WDR27: variants seen among roughly 807,000 people sequenced by gnomAD.
WDR27 encodes the protein WD repeat domain 27.
WDR27 carries 100 observed loss-of-function variants against 114.4 expected under a neutral mutation model. The ratio of observed to expected loss-of-function variants is 0.87; its 90% confidence interval spans 0.74 to 1.03. WDR27 has a LOEUF of 1.03. Ranked by LOEUF, WDR27 falls within the 50% of genes least tolerant of loss-of-function variation. The pLI is 0.00. For synonymous variants in WDR27, 449 were observed against 423.1 expected (o/e 1.06, Z -0.75); for missense variants, 1,129 against 1,092.9 (o/e 1.03, Z -0.47).
chr6:169,437,631 C>T, the WDR27 span, among the ~76,000 whole-genome samples: 3 of 152,164 alleles, frequency 2.0e-5, no homozygotes, highest in East Asian at 1.9e-4. Flanking sequence ...GTTCTTTCTT[C>T]GTTCCTTAAA....
chr6:169,571,827 G>A (rs1042573447), intron 25 of WDR27, among the ~76,000 whole-genome samples: 2 of 152,168 alleles, frequency 1.3e-5, no homozygotes, highest in African/African-American at 4.8e-5. Flanking sequence ...GACAGAGCAA[G>A]ACCCTGTCTA....
chr6:169,690,978 G>C (rs1176218415), intron 1 of WDR27, among the ~76,000 whole-genome samples: 1 of 152,224 alleles, frequency 6.6e-6, no homozygotes, highest in East Asian at 1.9e-4. Flanking sequence ...CACTTTGGGA[G>C]GCCGAGGCGG....
At chr6:169,552,012 C>T (rs185843096) in intron 25 of WDR27, among the ~76,000 whole-genome samples, 238 of 152,220 alleles carry the variant, frequency 1.6e-3, no homozygotes, top group Non-Finnish European at 2.7e-3. Context: ...CCGTGGGTTC[C>T]GTCCCACGCA....
intron 25 of WDR27, among the ~76,000 whole-genome samples, chr6:169,500,045 G>T (rs1355499134): frequency 1.1e-4 from 16 of 152,152 alleles, no homozygotes; most frequent in Non-Finnish European, 1.5e-5. Flanking sequence ...TCCCACACTG[G>T]CTCCCTGCTC....
chr6:169,546,905 T>G (rs1015301589), intron 25 of WDR27, among the ~76,000 whole-genome samples: 7 of 152,068 alleles, frequency 4.6e-5, no homozygotes, highest in African/African-American at 1.7e-4. Flanking sequence ...ATCGAGCTCT[T>G]GACTATGTTC....
intron 25 of WDR27, among the ~76,000 whole-genome samples, chr6:169,523,920 T>C (rs1794677702): frequency 6.6e-6 from 1 of 152,140 alleles, no homozygotes; most frequent in Admixed American, 6.5e-5. Context: ...TTTTTCCACA[T>C]AGTCCTGGAA....
At chr6:169,530,920 C>A (rs1795512340) in intron 25 of WDR27, among the ~76,000 whole-genome samples, 1 of 152,188 alleles carries the variant, frequency 6.6e-6, no homozygotes, top group Admixed American at 6.5e-5. Context: ...CAGCCACATC[C>A]TTCCTCATGT....
intron 23 of WDR27, among the ~76,000 whole-genome samples, chr6:169,584,446 T>A (rs1366474852): frequency 6.6e-6 from 1 of 152,242 alleles, no homozygotes; most frequent in Non-Finnish European, 1.5e-5. Context: ...CCAGAAGGAC[T>A]GCTGGGTCAT....
At chr6:169,464,797 A>G (rs1249910608) in intron 25 of WDR27, among the ~76,000 whole-genome samples, 1 of 152,264 alleles carries the variant, frequency 6.6e-6, no homozygotes. Context: ...ATTCCTCCAA[A>G]GAAGATATAC....
At chr6:169,678,205 C>A (rs2128309147) in intron 2 of WDR27, among the ~76,000 whole-genome samples, 1 of 152,338 alleles carries the variant, frequency 6.6e-6, no homozygotes, top group East Asian at 1.9e-4. Context: ...ACTCAGCAAC[C>A]AGTGAAAGCA....
intron 25 of WDR27, among the ~76,000 whole-genome samples, chr6:169,506,120 T>C (rs192411841): frequency 3.9e-5 from 6 of 152,362 alleles, no homozygotes; most frequent in Admixed American, 3.9e-4. Flanking sequence ...CAGTATTTCA[T>C]CTGAGCTAAA....
chr6:169,491,778 G>T (rs1169421137), intron 25 of WDR27, among the ~76,000 whole-genome samples: 1 of 152,158 alleles, frequency 6.6e-6, no homozygotes, highest in Admixed American at 6.6e-5. Context: ...AGGAGACACT[G>T]AGGTAGTTAC....
intron 23 of WDR27, among the ~76,000 whole-genome samples, chr6:169,591,111 G>GCTCC (rs1474567069): frequency 6.6e-6 from 1 of 152,164 alleles, no homozygotes; most frequent in African/African-American, 2.4e-5. Flanking sequence ...CTGTGCGGGA[G>GCTCC]CTCCCCTTTC....
At position 169,481,615 on chromosome 6, in the gene WDR27, C is replaced by T. The variant is rs549810836; in HGVS notation, c.2646-23981G>A. On this transcript the variant is annotated intron_variant, in intron 25 of 25. Transcript: ENST00000448612. ...GAGACCATGAACCAACTAGAAGGAA[C>T]GAACAACTCCAGACGCACTGCCTTT... 3.2e-4 allele frequency among the ~76,000 whole-genome samples: 49 copies of T among 151,960 alleles called. No individual in the cohort carries two copies. In the South Asian group the frequency reaches 4.2e-3, roughly 13 times the overall value.
At chr6:169,484,152 A>G (rs1461377031) in intron 25 of WDR27, among the ~76,000 whole-genome samples, 1 of 152,208 alleles carries the variant, frequency 6.6e-6, no homozygotes, top group African/African-American at 2.4e-5. Flanking sequence ...CCCATTCAAC[A>G]TAGTATTGGA....
intron 25 of WDR27, among the ~76,000 whole-genome samples, chr6:169,564,727 C>T (rs1307551882): frequency 1.3e-5 from 2 of 152,146 alleles, no homozygotes; most frequent in Non-Finnish European, 2.9e-5. Context: ...GCTCACCCAT[C>T]TGCCCTGGGA....
intron 25 of WDR27, among the ~76,000 whole-genome samples, chr6:169,499,055 G>A (rs1790767590): frequency 6.6e-6 from 1 of 152,226 alleles, no homozygotes; most frequent in Non-Finnish European, 1.5e-5. Flanking sequence ...TCAGAAATAT[G>A]AGCAGTGTCT....
At chr6:169,451,547 A>G in the WDR27 span, among the ~76,000 whole-genome samples, 3 of 152,248 alleles carry the variant, frequency 2.0e-5, no homozygotes, top group Non-Finnish European at 2.9e-5. Flanking sequence ...ATAAGTACCT[A>G]GAAGTTGAAT....
chr6:169,581,773 A>G (rs929098857), intron 24 of WDR27, among the ~76,000 whole-genome samples: 1 of 151,072 alleles, frequency 6.6e-6, no homozygotes, highest in Non-Finnish European at 1.5e-5. Flanking sequence ...GCACGGCAAC[A>G]TGCCCTGAAC....
Sources: gnomAD v4.1 joint callset for allele counts (sites outside exome capture counted in the v4.1 genomes callset) on GRCh38, gnomAD v4.1.1 for gene constraint, MANE v1.5 for transcripts, NCBI Gene and HGNC (gene_info 2026-07-23, HGNC 2026-07-21) for gene names.